Variants in KIDINS220 observed in about 807,000 individuals in gnomAD.
KIDINS220 encodes kinase D-interacting substrate of 220 kDa.
KIDINS220 carries 63 observed loss-of-function variants against 157.6 expected under a neutral mutation model. The ratio of observed to expected loss-of-function variants is 0.40; its 90% CI spans 0.33 to 0.49. The LOEUF (loss-of-function observed/expected upper bound fraction) is 0.49. Ranked by LOEUF, KIDINS220 falls within the 20% of genes least tolerant of loss-of-function variation. The pLI, the probability that KIDINS220 is intolerant of heterozygous loss-of-function variation, is 0.66. For synonymous variants in KIDINS220, 732 were observed against 783.6 expected, an observed-to-expected ratio of 0.93 and a Z score of 1.10; for missense variants, 1,772 against 2,171.2, an observed-to-expected ratio of 0.82 and a Z score of 3.65.
Position 8,729,059 on chromosome 2 carries a change from T to C in KIDINS220, c.*1661A>G, listed in dbSNP as rs1002868449. On this transcript the variant is annotated 3_prime_UTR_variant, in exon 30 of 30. Coordinates refer to ENST00000256707, the MANE Select transcript of KIDINS220 (RefSeq NM_020738.4). ...AACTACTCACCTGAAAAAGAAAACA[T>C]TGTCTCTGAAATAATTCCTAATTAT... is the stretch of plus-strand genomic sequence containing the variant. 2.0e-6 allele frequency: 2 copies of C among 982,656 alleles called. No individual in the cohort carries two copies. Among genetic ancestry groups the C allele is most frequent in the Non-Finnish European group, 1.2e-6 (1 of 827,164 alleles). The allele number at this position is 982,656 out of a possible 1,614,324, so 60.9% of individuals were successfully genotyped here.
rs376216731 is a variant in KIDINS220 at position 8,788,652 on chromosome 2, A to C, written c.1782T>G (p.Pro594=). The part of the protein sequence containing the change: ...ELPEQTTKAL[P]VRFLFTDYNR... ...TGTCAAATGGTACAACTCACCTCAC[A>C]GGTAAAGCTTTAGTAGTCTGCTCTG... The change falls in exon 15 of 30, where the codon CCT becomes CCG. Residue 594 remains proline, a synonymous_variant. Coordinates refer to ENST00000256707, the MANE Select transcript of KIDINS220 (RefSeq NM_020738.4). 4.7e-5 allele frequency: 75 copies of C among 1,611,728 alleles called. No homozygotes were observed. Among genetic ancestry groups the C allele is most frequent in the Admixed American group, 6.7e-5 (4 of 59,288 alleles).
intron 11 of KIDINS220, among the ~76,000 whole-genome samples, chr2:8,796,056 A>G (rs949684854): frequency 1.3e-5 from 2 of 152,162 alleles, no homozygotes; most frequent in African/African-American, 2.4e-5. Context: ...AAACACATTG[A>G]CTCGTGACTC....
chr2:8,733,415 T>C, intron 29 of KIDINS220, 29 bp downstream of exon 29: 2 of 1,547,572 alleles, frequency 1.3e-6, no homozygotes, highest in Non-Finnish European at 1.8e-6. Flanking sequence ...TATTCTTCAA[T>C]AATATGAAAA....
intron 2 of KIDINS220, among the ~76,000 whole-genome samples, chr2:8,822,199 T>TA (rs1464131472): frequency 1.3e-5 from 2 of 152,248 alleles, no homozygotes; most frequent in Non-Finnish European, 2.9e-5. Flanking sequence ...CATTTCTACT[T>TA]ATTTAAGTGT....
downstream of KIDINS220, among the ~76,000 whole-genome samples, chr2:8,726,007 G>A (rs1663270950): frequency 6.6e-6 from 1 of 152,200 alleles, no homozygotes; most frequent in African/African-American, 2.4e-5. Context: ...GGCAGACTCA[G>A]AATATTTCGT....
rs111828677 is a variant in KIDINS220 at position 8,824,499 on chromosome 2, G to A, written c.108+2487C>T. 9.9e-4 allele frequency among the ~76,000 whole-genome samples: 150 copies of A among 152,224 alleles called. 1 individual carries two copies. The highest frequency in any genetic ancestry group is 3.4e-3 in the African/African-American group (143 of 41,530). ...AGTTGGAGACCAGCCTGGGCAACAT[G>A]GCAAAACCCCATCTCGACTAAGATA... On this transcript the variant is annotated intron_variant, in intron 2 of 29. Coordinates refer to ENST00000256707, the MANE Select transcript of KIDINS220 (RefSeq NM_020738.4).
downstream of KIDINS220, among the ~76,000 whole-genome samples, chr2:8,728,389 A>G (rs776583876): frequency 2.0e-5 from 3 of 152,194 alleles, no homozygotes; most frequent in African/African-American, 4.8e-5. Flanking sequence ...AAATGGATAG[A>G]ATCTAAGGGC....
At chr2:8,778,134 G>A (rs1671220710) in intron 20 of KIDINS220, among the ~76,000 whole-genome samples, 1 of 152,186 alleles carries the variant, frequency 6.6e-6, no homozygotes, top group Non-Finnish European at 1.5e-5. Flanking sequence ...ATAAGATGGG[G>A]AGGTCAGGGA....
chr2:8,744,774 T>C (rs1572466406), intron 26 of KIDINS220, among the ~76,000 whole-genome samples: 1 of 152,226 alleles, frequency 6.6e-6, no homozygotes, highest in East Asian at 1.9e-4. Context: ...CAATTTGGCA[T>C]TGAACTAAGT....
intron 2 of KIDINS220, among the ~76,000 whole-genome samples, chr2:8,825,372 C>CAAAAAAAAAAAG (rs1553338374): frequency 9.2e-6 from 1 of 108,666 alleles, no homozygotes. Context: ...GACTCCGTCT[C>CAAAAAAAAAAAG]AAAAAAAAAA....
At chr2:8,735,896 G>C (rs1471115831) in intron 27 of KIDINS220, among the ~76,000 whole-genome samples, 18 of 152,300 alleles carry the variant, frequency 1.2e-4, no homozygotes, top group African/African-American at 4.3e-4. Flanking sequence ...CCACTACCCC[G>C]ATGGGAACAA....
intron 1 of KIDINS220, among the ~76,000 whole-genome samples, chr2:8,836,859 T>A (rs1042042874): frequency 3.9e-5 from 6 of 152,092 alleles, no homozygotes; most frequent in African/African-American, 9.7e-5. Flanking sequence ...CATAAAAAAA[T>A]TTTTCATCGG....
At position 8,751,560 on chromosome 2, in the gene KIDINS220, C is replaced by G; in HGVS notation, c.3096G>C (p.Leu1032Phe). 6.2e-7 allele frequency: 1 copy of G among 1,613,372 alleles called. No individual in the cohort carries two copies. The highest frequency in any genetic ancestry group is 8.5e-7 in the Non-Finnish European group (1 of 1,179,510). ...CCACAAGAACTGGGGTCCTTGAAGACAAAAACACTTCAAAATTTCTTATAT... is the reference window on the plus strand; with the variant it reads ...CCACAAGAACTGGGGTCCTTGAAGAGAAAAACACTTCAAAATTTCTTATAT... The part of the protein sequence containing the change: ...DGDIRNFEVF[L>F]SSRTPVLVAR... The change falls in exon 23 of 30, where the codon TTG becomes TTC. Residue 1032 changes from leucine to phenylalanine, a missense_variant. By Grantham distance (22) the Leu-to-Phe change is conservative. Coordinates refer to ENST00000256707, the MANE Select transcript of KIDINS220 (RefSeq NM_020738.4).
rs1663932136 is a variant in KIDINS220, at chr2:8,730,768, G to A, written c.5268C>T (p.Ala1756=). Residue 1756 remains alanine (A), a synonymous_variant, in exon 30 of 30, where the codon GCC becomes GCT. Coordinates refer to ENST00000256707, the MANE Select transcript of KIDINS220 (RefSeq NM_020738.4). ...CTCCAAAGCCTGTGCTCTCAGAAGA[G>A]GCTGCTGCATGGAGCTCCGGAGGAT... ...SKDPPELHAA[A]SSESTGFGEE... 1.2e-6 allele frequency: 2 copies of A among 1,614,226 alleles called. No individual in the cohort carries two copies. Among genetic ancestry groups the A allele is most frequent in the Non-Finnish European group, 1.7e-6 (2 of 1,180,050 alleles).
rs1376895839 is a variant in KIDINS220, at chr2:8,770,694, A to G, written c.2987T>C (p.Met996Thr). The change falls in exon 22 of 30, where the codon ATG becomes ACG. Residue 996 changes from methionine to threonine, a missense_variant. Physicochemically the swap from Met to Thr is moderately conservative, Grantham distance 81 (BLOSUM62 -1). This residue lies in a region of KIDINS220 where 725 missense variants were observed against 1,017.1 expected (regional missense o/e 0.71). Transcript: ENST00000256707. ...LEETEGIPDQMTLKTIYERIS... is the reference protein window; with the variant it reads ...LEETEGIPDQTTLKTIYERIS... ...CCTTTCGTAGATGGTTTTTAATGTCATTTGATCTGGAATACCTTCAGTCTC... is the reference window on the plus strand; with the variant it reads ...CCTTTCGTAGATGGTTTTTAATGTCGTTTGATCTGGAATACCTTCAGTCTC... 1 of 1,605,016 alleles carries G rather than the reference A, an allele frequency of 6.2e-7. No homozygotes were observed. Among genetic ancestry groups the G allele is most frequent in the Non-Finnish European group, 8.5e-7 (1 of 1,175,576 alleles).
At chr2:8,736,832 C>A in intron 27 of KIDINS220, 36 bp downstream of exon 27, 1 of 1,611,214 alleles carries the variant, frequency 6.2e-7, no homozygotes, top group Non-Finnish European at 8.5e-7. Flanking sequence ...CCGCCCCCAG[C>A]GCTGTCTCTG....
chr2:8,791,030 A>G, intron 13 of KIDINS220, 30 bp downstream of exon 13: 2 of 1,595,274 alleles, frequency 1.3e-6, no homozygotes, highest in Admixed American at 1.8e-5. Flanking sequence ...TGCTTTATAT[A>G]TACAGACTTT....
chr2:8,781,125 GTA>G (rs1671659129), intron 17 of KIDINS220, among the ~76,000 whole-genome samples: 1 of 82,616 alleles, frequency 1.2e-5, no homozygotes, highest in Non-Finnish European at 2.4e-5. Flanking sequence ...GAGAGGGGGA[GTA>G]ACTATATTAA....
intron 4 of KIDINS220, among the ~76,000 whole-genome samples, chr2:8,816,989 A>G (rs1392881540): frequency 6.6e-6 from 1 of 152,226 alleles, no homozygotes; most frequent in Non-Finnish European, 1.5e-5. Context: ...CAGCTAAGTA[A>G]TAAATATTTT....
Sources: gnomAD v4.1 joint callset for allele counts (sites outside exome capture counted in the v4.1 genomes callset) on GRCh38, gnomAD v4.1.1 for gene constraint, gnomAD v4.1.1 regional missense constraint, MANE v1.5 for transcripts, NCBI Gene and HGNC (gene_info 2026-07-23, HGNC 2026-07-21) for gene names.